PPP6R2: variants seen among roughly 807,000 people sequenced by gnomAD.
PPP6R2 encodes serine/threonine-protein phosphatase 6 regulatory subunit 2.
Under a neutral mutation model 100.2 loss-of-function variants are expected in PPP6R2, and 62 were observed. The observed-to-expected ratio is 0.62, with a 90% CI of 0.50 to 0.76. The LOEUF is 0.76. PPP6R2 is among the 30% of genes least tolerant of loss of function. The pLI is 0.00. For synonymous variants in PPP6R2, 525 were observed against 514.7 expected, an observed-to-expected ratio of 1.02 and a Z score of -0.27; for missense variants, 1,142 against 1,276.3, an observed-to-expected ratio of 0.89 and a Z score of 1.60.
chr22:50,338,749 GTA>G (rs2042332925), upstream of PPP6R2, among the ~76,000 whole-genome samples: 2 of 137,026 alleles, frequency 1.5e-5, no homozygotes, highest in Non-Finnish European at 1.6e-5. Context: ...GTGTTATGTG[GTA>G]TGTGTGGTAG....
At position 50,430,703 on chromosome 22, in the gene PPP6R2, G is replaced by A. The variant is rs976304598; in HGVS notation, c.1126-470G>A. ...AGCCTGACCAACATGGCAAAATCCC[G>A]TCTCTACTAAAAATACAAAAATTAG... On this transcript the variant is annotated intron_variant, in intron 10 of 23. Transcript: ENST00000612753. 4.6e-5 allele frequency among the ~76,000 whole-genome samples: 7 copies of A among 152,042 alleles called. No individual in the cohort carries two copies. The East Asian group carries it at 9.7e-4, about 21-fold the overall frequency.
At chr22:50,400,538 G>C (rs2057851466) in intron 3 of PPP6R2, among the ~76,000 whole-genome samples, 1 of 152,158 alleles carries the variant, frequency 6.6e-6, no homozygotes, top group Non-Finnish European at 1.5e-5. Context: ...TCTCCTCTCT[G>C]AGGGCATTTA....
Position 50,419,469 on chromosome 22 carries a change from C to CT in PPP6R2, c.845+8dup. The CT allele has an allele frequency of 6.2e-7, 1 of 1,604,000 alleles. No homozygotes were observed. Among genetic ancestry groups the CT allele is most frequent in the South Asian group, 1.1e-5 (1 of 90,776 alleles). On this transcript the variant is annotated splice_region_variant and intron_variant, in intron 8 of 23. Coordinates refer to ENST00000612753, the MANE Select transcript of PPP6R2 (RefSeq NM_001242898.2). ...TGGAAACCAGGCGGGTTGGGTGAGT[C>CT]TCACGAGGAGAAATCGTGTAGAGCT...
At chr22:50,422,462 G>C in intron 9 of PPP6R2, 82 bp downstream of exon 9, 5 of 1,539,304 alleles carry the variant, frequency 3.2e-6, no homozygotes, top group Non-Finnish European at 3.5e-6. Context: ...GCCACAGCTT[G>C]TCCCATAGGT....
In PPP6R2 at chr22:50,354,355, T is replaced by C. The variant is rs984261050; in HGVS notation, c.-148+10805T>C. On this transcript the variant is annotated intron_variant, in intron 1 of 23. Coordinates refer to ENST00000612753, the MANE Select transcript of PPP6R2 (RefSeq NM_001242898.2). ...AAAATGCCTGGGACTAGAGATGTTT[T>C]GGATTTCAAATTTTCTCAGAGTTAC... Among the ~76,000 whole-genome samples the C allele has an allele frequency of 1.1e-4, 16 of 152,156 alleles. 1 individual carries two copies. Among genetic ancestry groups the C allele is most frequent in the African/African-American group, 3.9e-4 (16 of 41,440 alleles).
intron 4 of PPP6R2, among the ~76,000 whole-genome samples, chr22:50,413,382 A>C (rs891001769): frequency 1.3e-5 from 2 of 151,790 alleles, no homozygotes; most frequent in African/African-American, 4.8e-5. Flanking sequence ...TTATTACAGC[A>C]TTTTGGGAGG....
At chr22:50,334,169 G>A in the PPP6R2 span, among the ~76,000 whole-genome samples, 2 of 152,216 alleles carry the variant, frequency 1.3e-5, no homozygotes, top group Non-Finnish European at 2.9e-5. Flanking sequence ...GGATGGCTGC[G>A]GGCGGGCCTG....
rs78047284 is a variant in PPP6R2, at chr22:50,357,530, G to C, written c.-148+13980G>C. Among the ~76,000 whole-genome samples, 507 of 150,300 alleles carry C rather than the reference G, an allele frequency of 3.4e-3. 9 individuals are homozygous for C. In the East Asian group the frequency reaches 0.062, roughly 18 times the overall value. On this transcript the variant is annotated intron_variant, in intron 1 of 23. Transcript: ENST00000612753. ...TTCTTTTTTGATGAGGTCTCACTCT[G>C]TCACCCAGGCTGGAGTACAGTAAAT... is the stretch of plus-strand genomic sequence containing the variant.
chr22:50,425,483 T>A (rs1343995768), intron 10 of PPP6R2, among the ~76,000 whole-genome samples: 1 of 152,250 alleles, frequency 6.6e-6, no homozygotes, highest in Non-Finnish European at 1.5e-5. Context: ...GTTTGAGTCC[T>A]TACTTTCAGT....
At chr22:50,435,688 G>A (rs569066457) in intron 13 of PPP6R2, among the ~76,000 whole-genome samples, 3 of 152,302 alleles carry the variant, frequency 2.0e-5, no homozygotes, top group East Asian at 1.9e-4. Flanking sequence ...GGACTCCTGG[G>A]TTGGGCTCCA....
chr22:50,430,336 T>G (rs1760914878), intron 10 of PPP6R2, among the ~76,000 whole-genome samples: 1 of 152,196 alleles, frequency 6.6e-6, no homozygotes, highest in South Asian at 2.1e-4. Context: ...GTGGACGATA[T>G]GCACACGCCT....
upstream of PPP6R2, among the ~76,000 whole-genome samples, chr22:50,339,800 GTA>G (rs1484220223): frequency 8.1e-3 from 782 of 97,102 alleles, 30 homozygotes; most frequent in Admixed American, 0.055. Context: ...TGTGTGTGGG[GTA>G]TGTGTGTGTG....
At chr22:50,365,262 G>A (rs900795500) in intron 1 of PPP6R2, among the ~76,000 whole-genome samples, 2 of 151,812 alleles carry the variant, frequency 1.3e-5, no homozygotes, top group African/African-American at 4.8e-5. Context: ...GTAGAGACGG[G>A]GTTTCTTCAT....
chr22:50,354,682 C>T (rs1329664395), intron 1 of PPP6R2, among the ~76,000 whole-genome samples: 3 of 151,612 alleles, frequency 2.0e-5, no homozygotes, highest in East Asian at 2.0e-4. Context: ...AAAAATTAGC[C>T]GGGCATGGTG....
intron 3 of PPP6R2, among the ~76,000 whole-genome samples, chr22:50,399,092 A>G (rs2057604334): frequency 6.6e-6 from 1 of 152,206 alleles, no homozygotes; most frequent in African/African-American, 2.4e-5. Flanking sequence ...CTAAAAATAC[A>G]AAGAATTAGC....
intron 1 of PPP6R2, among the ~76,000 whole-genome samples, chr22:50,358,953 A>C (rs968136571): frequency 6.9e-6 from 1 of 145,664 alleles, no homozygotes; most frequent in Non-Finnish European, 1.5e-5. Flanking sequence ...ATTGTAACTT[A>C]ATGGTATATC....
chr22:50,421,332 AT>A (rs2061303922), intron 8 of PPP6R2, among the ~76,000 whole-genome samples: 1 of 152,088 alleles, frequency 6.6e-6, no homozygotes, highest in African/African-American at 2.4e-5. Context: ...TTTCTCTTAG[AT>A]TATTGTGATT....
At chr22:50,376,810 C>T (rs1468438476) in intron 2 of PPP6R2, among the ~76,000 whole-genome samples, 1 of 152,066 alleles carries the variant, frequency 6.6e-6, no homozygotes, top group Non-Finnish European at 1.5e-5. Flanking sequence ...GAGGCCGAGG[C>T]GGGCAGATCA....
upstream of PPP6R2, among the ~76,000 whole-genome samples, chr22:50,341,076 A>G (rs1301114166): frequency 2.6e-5 from 4 of 151,034 alleles, no homozygotes; most frequent in African/African-American, 4.9e-5. Flanking sequence ...GCGCCTGGTT[A>G]ATTTTTTATA....
Sources: allele counts gnomAD v4.1 joint callset (sites outside exome capture counted in the v4.1 genomes callset), GRCh38; gene constraint gnomAD v4.1.1; transcripts MANE v1.5; gene names NCBI Gene and HGNC (gene_info 2026-07-23, HGNC 2026-07-21).